BBIP1: variants seen among roughly 807,000 people sequenced by gnomAD.
BBIP1 encodes the protein BBSome interacting protein 1, also known as BBSome-interacting protein 1.
Under a neutral mutation model 8.9 loss-of-function variants are expected in BBIP1, and 6 were observed. That is an observed-to-expected ratio of 0.67 (90% confidence interval 0.37 to 1.33). The LOEUF is 1.33. BBIP1 is among the 40% of genes most tolerant of loss of function. The probability of loss-of-function intolerance (pLI) is 0.02; values close to 1 mark genes in which losing one functional copy is unlikely to be tolerated. For missense variants in BBIP1, 111 were observed against 109.2 expected, an observed-to-expected ratio of 1.02 and a Z score of -0.07; for synonymous variants, 32 against 33.4, an observed-to-expected ratio of 0.96 and a Z score of 0.14.
At chr10:110,906,506 C>T (rs1264978600) in intron 2 of BBIP1, 1 of 152,138 alleles carries the variant, frequency 6.6e-6, no homozygotes, top group Non-Finnish European at 1.5e-5. Flanking sequence ...GCTTTATTTT[C>T]TCAATTAGTT....
In BBIP1 at chr10:110,900,413, T is replaced by C. The variant is rs776957044; in HGVS notation, c.226A>G (p.Thr76Ala). 1.3e-6 allele frequency: 2 copies of C among 1,535,814 alleles called. No homozygotes were observed. The highest frequency in any genetic ancestry group is 2.4e-5 in the South Asian group (2 of 84,030). ...TCTGCCATTTCTTGTTGGCGAATTG[T>C]ATTCTGTGCTGCTTGATGCATTTTC... ...LEKMHQAAQN[T>A]IRQQEMAEKD... The change falls in exon 4 of 4, where the codon ACA becomes GCA. Residue 76 changes from threonine (T) to alanine (A), a missense_variant. By Grantham distance (58) the Thr-to-Ala change is moderately conservative (BLOSUM62 0). Transcript: ENST00000448814.
At position 110,900,491 on chromosome 10, in the gene BBIP1, G is replaced by C; in HGVS notation, c.148C>G (p.Leu50Val). ...LFVEDIMTMV[L>V]CKPKLLPLKS... ...AAGGGTAAAAGTTTGGGTTTACACA[G>C]CACCATTGTCATTATATCTTCCACA... Residue 50 changes from leucine (L) to valine (V), a missense_variant, in exon 4 of 4, where the codon CTG becomes GTG. By Grantham distance (32) the Leu-to-Val change is conservative (BLOSUM62 1). Coordinates refer to ENST00000448814, the MANE Select transcript of BBIP1 (RefSeq NM_001195305.3). 1 of 1,534,830 alleles carries C rather than the reference G, an allele frequency of 6.5e-7. No individual in the cohort carries two copies. Among genetic ancestry groups the C allele is most frequent in the South Asian group, 1.2e-5 (1 of 83,822 alleles).
chr10:110,902,971 CCT>C (rs892376176), intron 2 of BBIP1: 3 of 151,908 alleles, frequency 2.0e-5, no homozygotes, highest in Non-Finnish European at 4.4e-5. Context: ...TTGCAGACCC[CCT>C]GATTAGCCTT....
intron 2 of BBIP1, chr10:110,907,838 T>C: frequency 2.9e-6 from 2 of 683,012 alleles, no homozygotes; most frequent in South Asian, 1.6e-5. Context: ...TGAGAAGCCC[T>C]GGGAAGGAAA....
chr10:110,905,765 A>G (rs1294397777), intron 2 of BBIP1, among the ~76,000 whole-genome samples: 1 of 152,166 alleles, frequency 6.6e-6, no homozygotes, highest in Non-Finnish European at 1.5e-5. Context: ...TGATGTTTAA[A>G]TTTCTTATCA....
At chr10:110,901,131 A>G (rs1222464120) in intron 3 of BBIP1, 3 of 455,476 alleles carry the variant, frequency 6.6e-6, no homozygotes, top group Non-Finnish European at 1.3e-5. Context: ...CTCTACAAAA[A>G]TAAGAACAAA....
chr10:110,901,976 G>C (rs1846016275), intron 2 of BBIP1: 1 of 168,170 alleles, frequency 5.9e-6, no homozygotes, highest in South Asian at 1.5e-4. Context: ...CCTGAATGGT[G>C]GGTGACAAAA....
intron 2 of BBIP1, among the ~76,000 whole-genome samples, chr10:110,905,494 G>A (rs1175559852): frequency 6.6e-6 from 1 of 151,822 alleles, no homozygotes; most frequent in Non-Finnish European, 1.5e-5. Flanking sequence ...CCTGGGAGGC[G>A]GAGCTTGCAG....
At chr10:110,901,501 TA>T in intron 3 of BBIP1, 36 bp downstream of exon 3, 2 of 1,439,410 alleles carry the variant, frequency 1.4e-6, no homozygotes, top group Non-Finnish European at 1.9e-6. Flanking sequence ...TTTAGTCCTG[TA>T]ATAATCAATG....
At chr10:110,915,358 T>C (rs982889471) in intron 2 of BBIP1, among the ~76,000 whole-genome samples, 23 of 152,174 alleles carry the variant, frequency 1.5e-4, no homozygotes, top group African/African-American at 5.5e-4. Context: ...TTTGCCGTAT[T>C]GCCCAGGCTG....
At chr10:110,903,397 T>C (rs1590748237) in intron 2 of BBIP1, 1 of 152,392 alleles carries the variant, frequency 6.6e-6, no homozygotes, top group Middle Eastern at 3.4e-3. Context: ...AAAGGGATGG[T>C]AGGGAGTGGG....
intron 2 of BBIP1, chr10:110,901,814 T>C (rs1282400164): frequency 5.4e-6 from 3 of 552,780 alleles, no homozygotes; most frequent in South Asian, 2.1e-5. Flanking sequence ...CATTAGTCAG[T>C]TGTGGTGTTA....
chr10:110,917,952 G>C (rs931687374), intron 2 of BBIP1, 169 bp downstream of exon 2: 10 of 627,774 alleles, frequency 1.6e-5, no homozygotes, highest in Middle Eastern at 5.2e-4. Flanking sequence ...ATCAGATACA[G>C]AATCACAAAA....
At chr10:110,901,348 A>C in intron 3 of BBIP1, 190 bp downstream of exon 3, 2 of 578,396 alleles carry the variant, frequency 3.5e-6, no homozygotes, top group Non-Finnish European at 6.2e-6. Context: ...TTTTAGGTAT[A>C]AGAAACAATG....
At chr10:110,900,743 C>T (rs1425557077) in intron 3 of BBIP1, 21 of 458,644 alleles carry the variant, frequency 4.6e-5, no homozygotes, top group Admixed American at 2.0e-4. Flanking sequence ...AAGTTTTGAG[C>T]GTTCTACCCA....
At chr10:110,900,632 G>A (rs1845971594) in intron 3 of BBIP1, 106 bp from the exon 4 acceptor site, 2 of 929,764 alleles carry the variant, frequency 2.2e-6, no homozygotes. Flanking sequence ...TCTTGTCACT[G>A]AAAAACTCTT....
intron 2 of BBIP1, chr10:110,911,484 A>G (rs977642618): frequency 6.6e-6 from 1 of 152,040 alleles, no homozygotes; most frequent in African/African-American, 2.4e-5. Flanking sequence ...ATTTCAACTA[A>G]GTAGATATTT....
Position 110,900,472 on chromosome 10 carries a change from A to G in BBIP1, c.167T>C (p.Leu56Ser), listed in dbSNP as rs1229853653. The G allele has an allele frequency of 2.6e-6, 4 of 1,535,860 alleles. No individual in the cohort carries two copies. The highest frequency in any genetic ancestry group is 2.0e-5 in the Admixed American group (1 of 50,986). The change falls in exon 4 of 4, where the codon TTA becomes TCA. Residue 56 changes from leucine to serine, a missense_variant. Physicochemically the swap from Leu to Ser is moderately radical, Grantham distance 145 (BLOSUM62 -2). Coordinates refer to ENST00000448814, the MANE Select transcript of BBIP1 (RefSeq NM_001195305.3). ...MTMVLCKPKLLPLKSLTLEKL... is the reference protein window; with the variant it reads ...MTMVLCKPKLSPLKSLTLEKL... Reference sequence around the variant, plus strand: ...TTCCAGAGTCAGAGATTTTAAGGGTAAAAGTTTGGGTTTACACAGCACCAT... The same window carrying G: ...TTCCAGAGTCAGAGATTTTAAGGGTGAAAGTTTGGGTTTACACAGCACCAT...
intron 2 of BBIP1, chr10:110,910,652 A>T (rs1447619002): frequency 2.0e-5 from 3 of 152,196 alleles, no homozygotes; most frequent in Non-Finnish European, 1.5e-5. Context: ...AACATCCTCC[A>T]CCTTCCCACC....
Sources: gnomAD v4.1 joint callset for allele counts (sites outside exome capture counted in the v4.1 genomes callset) on GRCh38, gnomAD v4.1.1 for gene constraint, MANE v1.5 for transcripts, NCBI Gene and HGNC (gene_info 2026-07-23, HGNC 2026-07-21) for gene names.